ATAD2: variants seen among roughly 807,000 people sequenced by gnomAD.
The protein encoded by ATAD2 is ATPase family AAA domain containing 2.
A neutral mutation model predicts 168.9 loss-of-function variants in ATAD2; 62 were observed. That is an observed-to-expected ratio of 0.37 (90% CI 0.30 to 0.45). The LOEUF (loss-of-function observed/expected upper bound fraction) is 0.45, where lower values mean the gene tolerates loss of function less well. Among genes scored for constraint, ATAD2 ranks in the 20% least tolerant of loss-of-function variants. The pLI is 1.00. For missense variants in ATAD2, 1,419 were observed against 1,667.8 expected, an observed-to-expected ratio of 0.85 and a Z score of 2.60; for synonymous variants, 613 against 571.6, an observed-to-expected ratio of 1.07 and a Z score of -1.03.
chr8:123,388,978 T>C (rs1829726802), intron 1 of ATAD2, among the ~76,000 whole-genome samples: 1 of 151,732 alleles, frequency 6.6e-6, no homozygotes, highest in Admixed American at 6.6e-5. Context: ...CTCTCTTTTT[T>C]TTTTTTGACA....
chr8:123,361,406 C>A, intron 9 of ATAD2, 133 bp downstream of exon 9: 1 of 566,842 alleles, frequency 1.8e-6, no homozygotes, highest in Non-Finnish European at 3.2e-6. Flanking sequence ...AGACAGCATT[C>A]TAGTTTATAC....
chr8:123,345,560 T>C (rs1828211723), intron 18 of ATAD2, among the ~76,000 whole-genome samples: 1 of 150,226 alleles, frequency 6.7e-6, no homozygotes, highest in Non-Finnish European at 1.5e-5. Flanking sequence ...ATTGCACCTG[T>C]AGTCCCAGCT....
intron 8 of ATAD2, among the ~76,000 whole-genome samples, chr8:123,362,645 T>C (rs1426699614): frequency 6.6e-6 from 1 of 151,946 alleles, no homozygotes; most frequent in Admixed American, 6.6e-5. Context: ...CTTGAACTCC[T>C]GACCTTGTGA....
At chr8:123,365,219 C>T (rs905547575) in intron 8 of ATAD2, among the ~76,000 whole-genome samples, 1 of 152,098 alleles carries the variant, frequency 6.6e-6, no homozygotes, top group African/African-American at 2.4e-5. Context: ...ATATACCTAA[C>T]CAAAGAGGCA....
intron 1 of ATAD2, among the ~76,000 whole-genome samples, chr8:123,415,758 CTAA>C (rs1813256277): frequency 6.6e-6 from 1 of 152,158 alleles, no homozygotes; most frequent in Admixed American, 6.6e-5. Flanking sequence ...CCACGCCCAA[CTAA>C]TTTTTGTATT....
At position 123,412,838 on chromosome 8, in the gene ATAD2, T is replaced by C. The variant is rs371915956; in HGVS notation, c.-2282+3410A>G. On this transcript the variant is annotated intron_variant, in intron 1 of 28. Transcript: ENST00000521903. ...CTTGACCAAACTCTAGCATGGCTTC[T>C]AGCAGTATAAGGCTATGTCAGCCTT... Among the ~76,000 whole-genome samples, 14 of 152,324 alleles carry C rather than the reference T, an allele frequency of 9.2e-5. No homozygotes were observed. The South Asian group carries it at 1.5e-3, about 16-fold the overall frequency.
chr8:123,381,219 C>A (rs768492832), intron 1 of ATAD2, among the ~76,000 whole-genome samples: 1 of 152,170 alleles, frequency 6.6e-6, no homozygotes, highest in Non-Finnish European at 1.5e-5. Flanking sequence ...GTTTAGGGCC[C>A]GGGCATGGTG....
intron 8 of ATAD2, among the ~76,000 whole-genome samples, chr8:123,367,871 A>C (rs1487395670): frequency 6.6e-6 from 1 of 152,238 alleles, no homozygotes; most frequent in Non-Finnish European, 1.5e-5. Context: ...AACCTTCAGC[A>C]CTTACAAAGG....
intron 3 of ATAD2, 98 bp from the exon 4 acceptor site, chr8:123,371,933 G>GT: frequency 8.4e-7 from 1 of 1,193,626 alleles, no homozygotes; most frequent in Non-Finnish European, 1.1e-6. Flanking sequence ...ATACTTTCAT[G>GT]TAACAAAATT....
intron 11 of ATAD2, among the ~76,000 whole-genome samples, chr8:123,358,029 C>G (rs1828700819): frequency 1.3e-5 from 2 of 152,096 alleles, no homozygotes; most frequent in Admixed American, 1.3e-4. Flanking sequence ...ATATCACAAT[C>G]ATATAATTCA....
chr8:123,336,286 A>G, intron 22 of ATAD2, 87 bp downstream of exon 22: 1 of 1,165,378 alleles, frequency 8.6e-7, no homozygotes, highest in Non-Finnish European at 1.2e-6. Flanking sequence ...GATTATGTTT[A>G]TAATATAGCA....
intron 20 of ATAD2, among the ~76,000 whole-genome samples, chr8:123,338,646 A>G (rs1278105873): frequency 1.3e-5 from 2 of 152,232 alleles, no homozygotes; most frequent in African/African-American, 4.8e-5. Context: ...TAGTATTTTA[A>G]AAGTATGATG....
At chr8:123,381,144 A>G (rs1586898599) in intron 1 of ATAD2, among the ~76,000 whole-genome samples, 2 of 152,202 alleles carry the variant, frequency 1.3e-5, no homozygotes, top group Non-Finnish European at 1.5e-5. Context: ...ACAATGAAAA[A>G]GAGTTATTAC....
intron 19 of ATAD2, among the ~76,000 whole-genome samples, chr8:123,343,206 T>C (rs950624506): frequency 3.3e-5 from 5 of 151,854 alleles, no homozygotes; most frequent in African/African-American, 1.2e-4. Flanking sequence ...GAACTCCTGA[T>C]CTCAGGTGAT....
chr8:123,396,468 A>T (rs1213972996), upstream of ATAD2: 13 of 1,200,190 alleles, frequency 1.1e-5, no homozygotes, highest in Non-Finnish European at 1.3e-5. Context: ...GCTCCGCGCC[A>T]GCGGCCGCAG....
At chr8:123,393,984 G>A (rs1425293851) in intron 1 of ATAD2, among the ~76,000 whole-genome samples, 2 of 152,098 alleles carry the variant, frequency 1.3e-5, no homozygotes, top group African/African-American at 4.8e-5. Context: ...AACACTGGAG[G>A]ACATATAAAG....
rs3758122 is a variant in ATAD2 at position 123,328,219 on chromosome 8, A to G, written c.3839T>C (p.Ile1280Thr). Residue 1280 changes from isoleucine to threonine, a missense_variant, in exon 25 of 28, where the codon ATA (isoleucine) becomes ACA (threonine). By Grantham distance (89) the Ile-to-Thr change is moderately conservative. Transcript: ENST00000287394. ...TCCTTCATTTTCATCAGAAATATGT[A>G]TTATCTGAGAGCTAGAAGCATCTCC... ...CNGDASSSQI[I>T]HISDENEGKE... 5.3e-5 allele frequency: 75 copies of G among 1,422,290 alleles called. No homozygotes were observed. In the East Asian group the frequency reaches 1.8e-3, roughly 35 times the overall value. The allele number at this position is 1,422,290 out of a possible 1,614,324, so 88.1% of individuals were successfully genotyped here.
intron 24 of ATAD2, among the ~76,000 whole-genome samples, chr8:123,328,904 C>T (rs1304979708): frequency 6.6e-6 from 1 of 150,750 alleles, no homozygotes; most frequent in Non-Finnish European, 1.5e-5. Flanking sequence ...GGGTTCATGC[C>T]ATTCTCTTGC....
At chr8:123,369,261 CTAAA>C in intron 7 of ATAD2, 86 bp from the exon 8 acceptor site, 1 of 436,420 alleles carries the variant, frequency 2.3e-6, no homozygotes, top group Non-Finnish European at 3.3e-6. Context: ...TGCTCTTCAT[CTAAA>C]TACTTACAAA....
Sources: allele counts gnomAD v4.1 joint callset (sites outside exome capture counted in the v4.1 genomes callset), GRCh38; gene constraint gnomAD v4.1.1; transcripts MANE v1.5; gene names NCBI Gene and HGNC (gene_info 2026-07-23, HGNC 2026-07-21).